Variants in CREB5 observed in about 807,000 individuals in gnomAD.
CREB5 encodes cAMP responsive element binding protein 5, also known as cyclic AMP-responsive element-binding protein 5.
Under a neutral mutation model 57.1 loss-of-function variants are expected in CREB5, and 19 were observed. The ratio of observed to expected loss-of-function variants is 0.33; its 90% CI spans 0.23 to 0.49. The LOEUF is 0.49. CREB5 is among the 20% of genes least tolerant of loss of function. The pLI, the probability that CREB5 is intolerant of heterozygous loss-of-function variation, is 0.99. For missense variants in CREB5, 579 were observed against 671.6 expected, an observed-to-expected ratio of 0.86 and a Z score of 1.52; for synonymous variants, 238 against 238.3, an observed-to-expected ratio of 1.00 and a Z score of 0.01.
chr7:28,560,841 T>TGCGCGCGCGC (rs1562797105), intron 4 of CREB5, among the ~76,000 whole-genome samples: 3 of 75,058 alleles, frequency 4.0e-5, no homozygotes, highest in Non-Finnish European at 5.8e-5. Context: ...CGCGTGTGTG[T>TGCGCGCGCGC]GTGCGCGTGT....
At chr7:28,517,262 T>G (rs1026084486) in intron 4 of CREB5, among the ~76,000 whole-genome samples, 22 of 152,184 alleles carry the variant, frequency 1.4e-4, no homozygotes, top group African/African-American at 5.1e-4. Context: ...GCCTCCATCA[T>G]CTCATAAATC....
chr7:28,737,578 TATATA>T (rs1804096820), intron 7 of CREB5, among the ~76,000 whole-genome samples: 3 of 33,206 alleles, frequency 9.0e-5, no homozygotes, highest in African/African-American at 2.7e-4. Flanking sequence ...TATATATATA[TATATA>T]TATATTTTTA....
intron 5 of CREB5, among the ~76,000 whole-genome samples, chr7:28,682,692 G>T (rs12666420): frequency 2.7e-5 from 4 of 148,446 alleles, no homozygotes; most frequent in Non-Finnish European, 6.0e-5. Context: ...TGGGGGGGGG[G>T]GGAAACCCCA....
At chr7:28,594,013 C>T (rs1422545181) in intron 5 of CREB5, among the ~76,000 whole-genome samples, 1 of 152,178 alleles carries the variant, frequency 6.6e-6, no homozygotes, top group African/African-American at 2.4e-5. Flanking sequence ...TCCGGAGCAG[C>T]GGGAAGCTGC....
At chr7:28,755,182 G>T (rs1365429059) in intron 7 of CREB5, among the ~76,000 whole-genome samples, 2 of 152,188 alleles carry the variant, frequency 1.3e-5, no homozygotes, top group African/African-American at 4.8e-5. Flanking sequence ...TTCAGGGAAG[G>T]ACCTGCTACT....
intron 5 of CREB5, among the ~76,000 whole-genome samples, chr7:28,601,100 A>T (rs1224353068): frequency 1.3e-5 from 2 of 152,200 alleles, no homozygotes; most frequent in African/African-American, 4.8e-5. Context: ...ATCTCTCTCC[A>T]AATCATCACC....
Position 28,819,116 on chromosome 7 carries a change from G to A in CREB5, c.1364G>A (p.Ser455Asn), listed in dbSNP as rs751540728. Reference sequence around the variant, plus strand: ...GTGTTGTCTTTTTTTTTCTCCCTAGGTCCAGAGAGTAGCCCTCCTGCTAGT... The same window carrying A: ...GTGTTGTCTTTTTTTTTCTCCCTAGATCCAGAGAGTAGCCCTCCTGCTAGT... ...AMQKESQGYLSPESSPPASPV... is the reference protein window; with the variant it reads ...AMQKESQGYLNPESSPPASPV... The change falls in exon 11 of 11, where the codon AGT (serine) becomes AAT (asparagine). Residue 455 changes from serine (S) to asparagine (N), a missense_variant and splice_region_variant. Transcript: ENST00000357727. 6.2e-7 allele frequency: 1 copy of A among 1,611,778 alleles called. No individual in the cohort carries two copies. The highest frequency in any genetic ancestry group is 2.2e-5 in the East Asian group (1 of 44,854).
intron 7 of CREB5, among the ~76,000 whole-genome samples, chr7:28,780,147 T>C (rs1806887523): frequency 6.6e-6 from 1 of 152,084 alleles, no homozygotes. Context: ...TTCTCTCCAC[T>C]CCTTTTCATC....
intron 5 of CREB5, among the ~76,000 whole-genome samples, chr7:28,616,646 G>C (rs1170559461): frequency 6.6e-6 from 1 of 151,920 alleles, no homozygotes; most frequent in Non-Finnish European, 1.5e-5. Flanking sequence ...GTGGACTCCA[G>C]GCTTCTATCT....
chr7:28,809,052 A>G, intron 8 of CREB5, 135 bp from the exon 9 acceptor site: 3 of 699,802 alleles, frequency 4.3e-6, no homozygotes, highest in Middle Eastern at 2.5e-4. Context: ...TTTCATTCAT[A>G]GGAGGCAAGT....
intron 1 of CREB5, among the ~76,000 whole-genome samples, chr7:28,436,858 G>A (rs1362835550): frequency 1.3e-5 from 2 of 152,122 alleles, no homozygotes; most frequent in African/African-American, 2.4e-5. Flanking sequence ...GATGTGGGGG[G>A]AACAGGTTGC....
rs1354180337 is a variant in CREB5 at position 28,306,857 on chromosome 7, G to A, written c.-25+7416G>A. On this transcript the variant is annotated intron_variant, in intron 1 of 9. Transcript: ENST00000396299. ...ATTACAGGCGTGAGCCACCGCGCCC[G>A]GCCACAGATACAGTTTTATAGATAT... Among the ~76,000 whole-genome samples the A allele has an allele frequency of 3.3e-5, 5 of 152,172 alleles. No individual in the cohort carries two copies. In the East Asian group the frequency reaches 9.7e-4, roughly 29 times the overall value.
intron 7 of CREB5, among the ~76,000 whole-genome samples, chr7:28,789,964 A>G (rs1807567354): frequency 6.6e-6 from 1 of 152,236 alleles, no homozygotes; most frequent in South Asian, 2.1e-4. Flanking sequence ...TTCCACCCCA[A>G]GAACACCAAG....
At position 28,714,535 on chromosome 7, in the gene CREB5, C is replaced by T. The variant is rs1802569558; in HGVS notation, c.465-4218C>T. Among the ~76,000 whole-genome samples, 3 of 152,162 alleles carry T rather than the reference C, an allele frequency of 2.0e-5. No homozygotes were observed. The South Asian group carries it at 6.2e-4, about 32-fold the overall frequency. ...TAGGCTTGCCCAAGGGCAAAGAAGA[C>T]CCTGTAGACACAGTTCTGGCTTTTC... On this transcript the variant is annotated intron_variant, in intron 5 of 10. Transcript: ENST00000357727.
chr7:28,639,086 A>G (rs1246769201), intron 5 of CREB5, among the ~76,000 whole-genome samples: 1 of 152,206 alleles, frequency 6.6e-6, no homozygotes, highest in African/African-American at 2.4e-5. Context: ...GCCACACTTC[A>G]TGAATGCTTT....
At chr7:28,356,062 G>A (rs916726783) in intron 1 of CREB5, among the ~76,000 whole-genome samples, 9 of 152,140 alleles carry the variant, frequency 5.9e-5, no homozygotes, top group African/African-American at 1.9e-4. Context: ...CTCTCTGTTC[G>A]GAAGAAGTGA....
chr7:28,358,503 G>A (rs1051142046), intron 1 of CREB5, among the ~76,000 whole-genome samples: 2 of 152,210 alleles, frequency 1.3e-5, no homozygotes, highest in Admixed American at 1.3e-4. Flanking sequence ...GGGACAGGCC[G>A]GGAGCTCTGG....
At chr7:28,715,257 G>A (rs1802619908) in intron 5 of CREB5, among the ~76,000 whole-genome samples, 2 of 152,114 alleles carry the variant, frequency 1.3e-5, no homozygotes, top group South Asian at 4.2e-4. Flanking sequence ...AACCCTGTAC[G>A]GCAAGTTGAG....
intron 5 of CREB5, among the ~76,000 whole-genome samples, chr7:28,644,736 A>AT (rs950245291): frequency 3.9e-5 from 6 of 152,092 alleles, no homozygotes; most frequent in East Asian, 1.9e-4. Context: ...CTGCATCTAG[A>AT]TTTTTTCTCT....
Sources: allele counts gnomAD v4.1 joint callset (sites outside exome capture counted in the v4.1 genomes callset), GRCh38; gene constraint gnomAD v4.1.1; transcripts MANE v1.5; gene names NCBI Gene and HGNC (gene_info 2026-07-23, HGNC 2026-07-21).